The following SMC2 variants were observed in gnomAD, a reference collection of about 807,000 sequenced individuals.
SMC2 encodes structural maintenance of chromosomes 2.
A neutral mutation model predicts 142.6 loss-of-function variants in SMC2; 41 were observed. That is an observed-to-expected ratio of 0.29 (90% CI 0.22 to 0.37). The LOEUF is 0.37. SMC2 is among the 10% of genes least tolerant of loss of function. SMC2 has a pLI of 1.00. For synonymous variants in SMC2, 463 were observed against 457.5 expected, an observed-to-expected ratio of 1.01 and a Z score of -0.15; for missense variants, 1,265 against 1,373.7, an observed-to-expected ratio of 0.92 and a Z score of 1.25.
chr9:104,130,687 A>T (rs755618376), intron 21 of SMC2, among the ~76,000 whole-genome samples: 7 of 152,136 alleles, frequency 4.6e-5, no homozygotes, highest in Admixed American at 6.6e-5. Flanking sequence ...CTCTCTAGAA[A>T]ATGCTCCTGC....
chr9:104,092,665 T>C (rs1055671766), upstream of SMC2: 8 of 152,194 alleles, frequency 5.3e-5, no homozygotes, highest in Non-Finnish European at 8.8e-5. Flanking sequence ...TGGATAAGCA[T>C]ACCAGAGTAA....
At chr9:104,134,798 T>A (rs1269094311) in intron 23 of SMC2, among the ~76,000 whole-genome samples, 3 of 152,116 alleles carry the variant, frequency 2.0e-5, no homozygotes, top group African/African-American at 4.8e-5. Context: ...AAAAATCTAT[T>A]TTCAAATATT....
upstream of SMC2, chr9:104,092,650 A>G (rs1830018689): frequency 6.6e-6 from 1 of 152,242 alleles, no homozygotes. Context: ...TTGACATCAC[A>G]GAAGTGGATA....
rs777577593 is a variant in SMC2 at position 104,129,669 on chromosome 9, G to C, written c.2815G>C (p.Asp939His). Reference sequence around the variant, plus strand: ...GGTATCCAAAATGTTGAAAGATTATGACTGGATTAATGCAGAGAGACACCT... The same window carrying C: ...GGTATCCAAAATGTTGAAAGATTATCACTGGATTAATGCAGAGAGACACCT... ...AKVSKMLKDY[D>H]WINAERHLFG... The change falls in exon 21 of 25, where the codon GAC (aspartate) becomes CAC (histidine). Residue 939 changes from aspartate (D) to histidine (H), a missense_variant. Asp to His is a moderately conservative substitution (Grantham distance 81). Transcript: ENST00000374793. 2.5e-6 allele frequency: 4 copies of C among 1,613,856 alleles called. No homozygotes were observed. The highest frequency in any genetic ancestry group is 3.4e-6 in the Non-Finnish European group (4 of 1,179,878).
chr9:104,108,823 G>A (rs1392491408), intron 9 of SMC2, among the ~76,000 whole-genome samples: 3 of 152,170 alleles, frequency 2.0e-5, no homozygotes, highest in Non-Finnish European at 4.4e-5. Context: ...AGTTTCATGT[G>A]TATGTTCCCC....
chr9:104,136,958 G>A (rs1564122364), intron 23 of SMC2, among the ~76,000 whole-genome samples: 1 of 151,920 alleles, frequency 6.6e-6, no homozygotes, highest in Non-Finnish European at 1.5e-5. Flanking sequence ...GATCAGCCTG[G>A]CCAACATGGT....
Position 104,125,018 on chromosome 9 carries a change from G to A in SMC2, c.2364G>A (p.Glu788=). 6.2e-7 allele frequency: 1 copy of A among 1,607,612 alleles called. No homozygotes were observed. Among genetic ancestry groups the A allele is most frequent in the Non-Finnish European group, 8.5e-7 (1 of 1,178,562 alleles). The change falls in exon 18 of 25, where the codon GAG becomes GAA. Residue 788 remains glutamate (E), a synonymous_variant. Coordinates refer to ENST00000374793, the MANE Select transcript of SMC2 (RefSeq NM_006444.3). ...TGAAAAATGCAGAAGCTGAAAGAGA[G>A]CGAGAACTGAAAGATGCTCAGAAAA... ...NKMKNAEAER[E]RELKDAQKKL... is the part of the protein sequence containing the mutation.
intron 22 of SMC2, among the ~76,000 whole-genome samples, 189 bp from the exon 23 acceptor site, chr9:104,134,226 C>T (rs187705793): frequency 6.6e-6 from 1 of 152,200 alleles, no homozygotes; most frequent in African/African-American, 2.4e-5. Flanking sequence ...TTTGTCTTAT[C>T]ACTAGCACCG....
At position 104,096,195 on chromosome 9, in the gene SMC2, T is replaced by A. The variant is rs748768858; in HGVS notation, c.216T>A (p.Ala72=). 1 of 1,614,012 alleles carries A rather than the reference T, an allele frequency of 6.2e-7. No homozygotes were observed. The highest frequency in any genetic ancestry group is 1.1e-5 in the South Asian group (1 of 91,080). The change falls in exon 3 of 25, where the codon GCT becomes GCA. Residue 72 remains alanine (A), a synonymous_variant. Coordinates refer to ENST00000374793, the MANE Select transcript of SMC2 (RefSeq NM_006444.3). ...ATTTAGTTTACAAAAATGGGCAGGC[T>A]GGTATTACCAAAGCCTCTGTGTCAA... ...LQDLVYKNGQ[A]GITKASVSIT...
At chr9:104,089,574 T>C (rs559239019), upstream of SMC2, among the ~76,000 whole-genome samples, 40 of 152,076 alleles carry the variant, frequency 2.6e-4, no homozygotes, top group Non-Finnish European at 5.4e-4. Flanking sequence ...ATGCAAGTGA[T>C]AAAAGCCAAG....
At chr9:104,133,641 C>G (rs1301252780) in intron 22 of SMC2, among the ~76,000 whole-genome samples, 48 of 152,056 alleles carry the variant, frequency 3.2e-4, no homozygotes, top group Admixed American at 3.1e-3. Flanking sequence ...AGACAGATGG[C>G]CAAATTCCCA....
intron 23 of SMC2, among the ~76,000 whole-genome samples, chr9:104,136,846 G>A (rs1038038647): frequency 1.4e-5 from 2 of 144,574 alleles, no homozygotes; most frequent in African/African-American, 2.6e-5. Context: ...AGCCCTATTA[G>A]AATGCAGCAA....
At chr9:104,103,031 A>G (rs1831340062) in intron 9 of SMC2, among the ~76,000 whole-genome samples, 1 of 152,136 alleles carries the variant, frequency 6.6e-6, no homozygotes, top group South Asian at 2.1e-4. Flanking sequence ...TGAATATTGA[A>G]TCCAGGCAAA....
chr9:104,112,256 T>G (rs772148483), intron 10 of SMC2, among the ~76,000 whole-genome samples: 11 of 152,178 alleles, frequency 7.2e-5, no homozygotes, highest in Non-Finnish European at 1.5e-4. Flanking sequence ...TTTCTCAAAC[T>G]TTACATTTTT....
chr9:104,106,428 G>T (rs1038154136), intron 9 of SMC2, among the ~76,000 whole-genome samples: 2 of 151,516 alleles, frequency 1.3e-5, no homozygotes, highest in Admixed American at 1.3e-4. Context: ...CACTCTTGTT[G>T]CCCAGGCTGG....
chr9:104,093,773 G>C (rs888340537), upstream of SMC2, among the ~76,000 whole-genome samples: 1 of 152,120 alleles, frequency 6.6e-6, no homozygotes, highest in Non-Finnish European at 1.5e-5. Context: ...ACGGGGCGGA[G>C]CCAGGACGCG....
upstream of SMC2, among the ~76,000 whole-genome samples, chr9:104,093,978 T>C (rs1221568474): frequency 3.9e-5 from 6 of 152,178 alleles, no homozygotes; most frequent in South Asian, 4.1e-4. Flanking sequence ...CACCGCAGAC[T>C]GGAGAAGGCG....
intron 7 of SMC2, 49 bp downstream of exon 7, chr9:104,100,482 C>A: frequency 1.7e-6 from 2 of 1,203,670 alleles, no homozygotes; most frequent in South Asian, 2.6e-5. Flanking sequence ...CTTTCAAAGT[C>A]AGCAATGTAT....
chr9:104,116,330 T>C lies in SMC2; in HGVS notation c.1791+11T>C. Reference sequence around the variant, plus strand: ...GTTGCTCAGAATCTTGTAAGTCTCATTTTGTCTTATTTATATGTTTAATCG... The same window carrying C: ...GTTGCTCAGAATCTTGTAAGTCTCACTTTGTCTTATTTATATGTTTAATCG... On this transcript the variant is annotated intron_variant, in intron 14 of 24. Coordinates refer to ENST00000374793, the MANE Select transcript of SMC2 (RefSeq NM_006444.3). The C allele has an allele frequency of 6.3e-7, 1 of 1,593,438 alleles. No homozygotes were observed. The highest frequency in any genetic ancestry group is 8.5e-7 in the Non-Finnish European group (1 of 1,172,798).
Sources: allele counts gnomAD v4.1 joint callset (sites outside exome capture counted in the v4.1 genomes callset), GRCh38; gene constraint gnomAD v4.1.1; transcripts MANE v1.5; gene names NCBI Gene and HGNC (gene_info 2026-07-23, HGNC 2026-07-21).